NECTIN4: variants seen among roughly 807,000 people sequenced by gnomAD.
NECTIN4 encodes the protein nectin cell adhesion molecule 4.
In NECTIN4, 19 loss-of-function variants were observed where a neutral mutation model predicts 51.7. The observed-to-expected ratio is 0.37, with a 90% CI of 0.26 to 0.54. The LOEUF is 0.54. NECTIN4 is among the 20% of genes least tolerant of loss of function. NECTIN4 has a pLI of 0.86. For missense variants in NECTIN4, 619 were observed against 662.4 expected, an observed-to-expected ratio of 0.93 and a Z score of 0.72; for synonymous variants, 283 against 286.9, an observed-to-expected ratio of 0.99 and a Z score of 0.14.
intron 1 of NECTIN4, among the ~76,000 whole-genome samples, chr1:161,086,672 G>A (rs539055271): frequency 9.2e-5 from 14 of 152,270 alleles, no homozygotes; most frequent in East Asian, 1.9e-4. Flanking sequence ...GACTTCACCC[G>A]GAAACTCAAC....
intron 3 of NECTIN4, 72 bp downstream of exon 3, chr1:161,077,381 A>G: frequency 6.4e-7 from 1 of 1,561,040 alleles, no homozygotes; most frequent in Non-Finnish European, 8.8e-7. Flanking sequence ...GGCATGGCTC[A>G]GGGACCTGTG....
chr1:161,075,699 C>A (rs899183154), intron 4 of NECTIN4, among the ~76,000 whole-genome samples: 4 of 151,832 alleles, frequency 2.6e-5, no homozygotes, highest in Non-Finnish European at 4.4e-5. Flanking sequence ...TTGAACCTGG[C>A]AGGCAGAGGT....
chr1:161,079,517 T>C, intron 2 of NECTIN4, 73 bp downstream of exon 2: 4 of 1,572,136 alleles, frequency 2.5e-6, no homozygotes, highest in Non-Finnish European at 3.4e-6. Flanking sequence ...GCCCCATCCA[T>C]CTCTGCAGTC....
intron 1 of NECTIN4, 109 bp from the exon 2 acceptor site, chr1:161,080,058 G>A (rs1166157213): frequency 1.7e-5 from 23 of 1,388,724 alleles, no homozygotes; most frequent in African/African-American, 2.9e-5. Flanking sequence ...TGGAGCATTT[G>A]GGCTTGCAAA....
chr1:161,081,515 TA>T (rs1156328452), intron 1 of NECTIN4, among the ~76,000 whole-genome samples: 1 of 151,912 alleles, frequency 6.6e-6, no homozygotes, highest in African/African-American at 2.4e-5. Context: ...TGGGAAGAAA[TA>T]AATTTGGAGT....
At chr1:161,086,453 C>T (rs1041529407) in intron 1 of NECTIN4, among the ~76,000 whole-genome samples, 1 of 152,222 alleles carries the variant, frequency 6.6e-6, no homozygotes, top group Non-Finnish European at 1.5e-5. Context: ...GGGCCCCTCC[C>T]TTTCAAGGAA....
intron 7 of NECTIN4, 132 bp from the exon 8 acceptor site, chr1:161,073,431 A>G (rs1653270499): frequency 9.0e-6 from 7 of 781,010 alleles, no homozygotes; most frequent in Middle Eastern, 2.3e-4. Flanking sequence ...TCTCTCCTGG[A>G]AACAAACATC....
chr1:161,079,827 C>T lies in NECTIN4; in HGVS notation c.202G>A (p.Ala68Thr), dbSNP rs143991457. Residue 68 changes from alanine to threonine, a missense_variant, in exon 2 of 9, where the codon GCT becomes ACT. Around this residue, in one of 3 missense-constraint regions of NECTIN4, gnomAD observed 218 missense variants for 186.3 expected, o/e 1.17. Transcript: ENST00000368012. ...GCGCCTTCGCCCGCGTCCACCCGAG[C>T]CCATGCCACTTGCCCCACTTGCTCG... ...SGEQVGQVAWARVDAGEGAQE... is the reference protein window; with the variant it reads ...SGEQVGQVAWTRVDAGEGAQE... The T allele has an allele frequency of 9.9e-6, 16 of 1,613,706 alleles. No homozygotes were observed. The highest frequency in any genetic ancestry group is 1.3e-5 in the Non-Finnish European group (15 of 1,180,016).
In NECTIN4 at chr1:161,074,220, T is replaced by C. The variant is rs1653309387; in HGVS notation, c.1154A>G (p.Lys385Arg). The change falls in exon 6 of 9, where the codon AAA becomes AGA. Residue 385 changes from lysine to arginine, a missense_variant. By Grantham distance (26) the Lys-to-Arg change is conservative. This residue lies in a region of NECTIN4 where 364 missense variants were observed against 415.7 expected (regional missense o/e 0.88). Transcript: ENST00000368012. Reference protein sequence around the residue: ...HRRKAQQMTQKYEEELTLTRE... With the variant: ...HRRKAQQMTQRYEEELTLTRE... ...CCCAGGAGTGCCCAGTACTCACTAT[T>C]TCTGGGTCATCTGCTGGGCCTTGCG... is the stretch of plus-strand genomic sequence containing the variant. The C allele has an allele frequency of 6.2e-7, 1 of 1,614,002 alleles. No homozygotes were observed. Among genetic ancestry groups the C allele is most frequent in the Non-Finnish European group, 8.5e-7 (1 of 1,180,026 alleles).
In NECTIN4 at chr1:161,073,710, T is replaced by C. The variant is rs778145853; in HGVS notation, c.1233+10A>G. The stretch of plus-strand genomic sequence containing the variant: ...ACCCCTGCATGCATACACCCAACCT[T>C]GGCACACACCTGGCTCCTGGGGTCC... On this transcript the variant is annotated intron_variant, in intron 7 of 8. Coordinates refer to ENST00000368012, the MANE Select transcript of NECTIN4 (RefSeq NM_030916.3). The C allele has an allele frequency of 6.2e-7, 1 of 1,613,356 alleles. No individual in the cohort carries two copies. Among genetic ancestry groups the C allele is most frequent in the Admixed American group, 1.7e-5 (1 of 60,014 alleles).
In NECTIN4 at chr1:161,074,605, G is replaced by C. The variant is rs774993017; in HGVS notation, c.1000+6C>G. 6.2e-7 allele frequency: 1 copy of C among 1,614,110 alleles called. No individual in the cohort carries two copies. The highest frequency in any genetic ancestry group is 8.5e-7 in the Non-Finnish European group (1 of 1,180,042). On this transcript the variant is annotated splice_donor_region_variant and intron_variant, in intron 5 of 8. Coordinates refer to ENST00000368012, the MANE Select transcript of NECTIN4 (RefSeq NM_030916.3). ...CCTTACCAAGGACTTCTGCTCCAGT[G>C]CTTACCAAGAACATCCACAGTGACC...
At position 161,089,421 on chromosome 1, in the gene NECTIN4, T is replaced by C. The variant is rs892357972; in HGVS notation, c.-125A>G. 2.6e-5 allele frequency: 23 copies of C among 873,386 alleles called. 1 individual carries two copies. The highest frequency in any genetic ancestry group is 7.9e-5 in the Admixed American group (4 of 50,630). 54.1% of individuals were successfully genotyped at this position (873,386 alleles called of 1,614,324 possible). On this transcript the variant is annotated 5_prime_UTR_variant, in exon 1 of 9. Transcript: ENST00000368012. The surrounding 1 kb of genome is among the most constrained non-coding windows in gnomAD (Gnocchi z 4.1). The stretch of plus-strand genomic sequence containing the variant: ...GCTGCAGAGTTCTTGCCTCTCGCAC[T>C]TGGGTCTCCACTAGGGGACCCAGCC...
Position 161,073,075 on chromosome 1 carries a change from C to G in NECTIN4, c.1308+150G>C, listed in dbSNP as rs866052934. The G allele has an allele frequency of 9.0e-4, 770 of 856,406 alleles. 3 individuals carry two copies. The highest frequency in any genetic ancestry group is 2.7e-3 in the South Asian group (191 of 69,960). The allele number at this position is 856,406 out of a possible 1,614,324, so 53.1% of individuals were successfully genotyped here. A position where few individuals can be genotyped will look rare whatever the true frequency, so the allele number is the denominator to read the frequency against. The stretch of plus-strand genomic sequence containing the variant: ...GCATGGGGAGAGGGAGACGGGAGAA[C>G]AAAGACGTAGCAGAGATGCGGTGCT... On this transcript the variant is annotated intron_variant, in intron 8 of 8. Coordinates refer to ENST00000368012, the MANE Select transcript of NECTIN4 (RefSeq NM_030916.3).
In NECTIN4 at chr1:161,077,731, G is replaced by C. The variant is rs569344440; in HGVS notation, c.452C>G (p.Pro151Arg). 6.8e-6 allele frequency: 11 copies of C among 1,608,262 alleles called. No homozygotes were observed. Among genetic ancestry groups the C allele is most frequent in the Admixed American group, 1.7e-5 (1 of 59,996 alleles). The change falls in exon 3 of 9, where the codon CCC becomes CGC. Residue 151 changes from proline (P) to arginine (R), a missense_variant. By Grantham distance (103) the Pro-to-Arg change is moderately radical. Transcript: ENST00000368012. ...TAGTGCTGGACCAGGATTCAGTGAG[G>C]GCAGGGGAGGCACTGCAAATGGGGA... ...LRLRVLVPPL[P>R]SLNPGPALEE...
rs1653330211 is a variant in NECTIN4, at chr1:161,074,651, C to T, written c.960G>A (p.Glu320=). 6.2e-7 allele frequency: 1 copy of T among 1,614,152 alleles called. No individual in the cohort carries two copies. Among genetic ancestry groups the T allele is most frequent in the Admixed American group, 1.7e-5 (1 of 60,012 alleles). Residue 320 remains glutamate (E), a synonymous_variant, in exon 5 of 9, where the codon GAG becomes GAA. Transcript: ENST00000368012. ...SGIYVCHVSN[E]FSSRDSQVTV... The stretch of plus-strand genomic sequence containing the variant: ...TGACCTGAGAATCCCTTGAGGAGAA[C>T]TCATTGCTGACATGGCAGACGTAGA...
At position 161,089,075 on chromosome 1, in the gene NECTIN4, G is replaced by A. The variant is rs1654074043; in HGVS notation, c.79+143C>T. ...CTGGGGGCACTGCTGGAAGCTGGGG[G>A]CAGGAGAGACTGGATCCTCAGTTCA... On this transcript the variant is annotated intron_variant, in intron 1 of 8. Transcript: ENST00000368012. The surrounding 1 kb of genome is among the most constrained non-coding windows in gnomAD (Gnocchi z 4.1). The A allele has an allele frequency of 2.4e-6, 2 of 821,706 alleles. No individual in the cohort carries two copies. 50.9% of individuals were successfully genotyped at this position (821,706 alleles called of 1,614,324 possible).
In NECTIN4 at chr1:161,072,400, AC is replaced by A; in HGVS notation, c.*260del. Reference sequence around the variant, plus strand: ...CACAGTCACCCCTCCACGGACAGTCACCCCTCCACACACACACAGTCAGTCA... The same window carrying A: ...CACAGTCACCCCTCCACGGACAGTCACCCTCCACACACACACAGTCAGTCA... On this transcript the variant is annotated 3_prime_UTR_variant, in exon 9 of 9. Transcript: ENST00000368012. The A allele has an allele frequency of 1.8e-6, 1 of 567,534 alleles. No homozygotes were observed. The highest frequency in any genetic ancestry group is 3.2e-6 in the Non-Finnish European group (1 of 314,466). 35.2% of individuals were successfully genotyped at this position (567,534 alleles called of 1,614,324 possible). A position where few individuals can be genotyped will look rare whatever the true frequency, so the allele number is the denominator to read the frequency against.
At chr1:161,080,384 A>C (rs1395101065) in intron 1 of NECTIN4, among the ~76,000 whole-genome samples, 1 of 152,228 alleles carries the variant, frequency 6.6e-6, no homozygotes, top group African/African-American at 2.4e-5. Flanking sequence ...GAAGAGGTTC[A>C]ACCCACCAAC....
At position 161,079,762 on chromosome 1, in the gene NECTIN4, A is replaced by G. The variant is rs199873560; in HGVS notation, c.267T>C (p.His89=). 669 of 1,612,224 alleles carry G rather than the reference A, an allele frequency of 4.1e-4. 1 individual carries two copies. The highest frequency in any genetic ancestry group is 8.7e-4 in the Admixed American group (52 of 60,002). ...LALLHSKYGL[H]VSPAYEGRVE... ...CGCGGCCCTCGTAAGCCGGGCTCACATGAAGCCCGTATTTGGAGTGCAGTA... is the reference window on the plus strand; with the variant it reads ...CGCGGCCCTCGTAAGCCGGGCTCACGTGAAGCCCGTATTTGGAGTGCAGTA... The change falls in exon 2 of 9, where the codon CAT becomes CAC. Residue 89 remains histidine, a synonymous_variant. Transcript: ENST00000368012.
Sources: gnomAD v4.1 joint callset for allele counts (sites outside exome capture counted in the v4.1 genomes callset) on GRCh38, gnomAD v4.1.1 for gene constraint, gnomAD v4.1.1 regional missense constraint, Gnocchi (gnomAD v3.1) non-coding constraint, MANE v1.5 for transcripts, NCBI Gene and HGNC (gene_info 2026-07-23, HGNC 2026-07-21) for gene names.